The following KLC4 variants were observed in gnomAD, a reference collection of about 807,000 sequenced individuals.
KLC4 encodes the protein kinesin-like protein 8.
A neutral mutation model predicts 77.2 loss-of-function variants in KLC4; 49 were observed. The ratio of observed to expected loss-of-function variants is 0.63; its 90% confidence interval spans 0.50 to 0.80. The LOEUF (loss-of-function observed/expected upper bound fraction) is 0.80, where lower values mean the gene tolerates loss of function less well. Ranked by LOEUF, KLC4 falls within the 30% of genes least tolerant of loss-of-function variation. The probability of loss-of-function intolerance (pLI) is 0.00; values close to 1 mark genes in which losing one functional copy is unlikely to be tolerated. For synonymous variants in KLC4, 274 were observed against 314.5 expected (o/e 0.87, Z 1.36); for missense variants, 669 against 793.5 (o/e 0.84, Z 1.89).
chr6:43,073,351 G>A lies in KLC4; in HGVS notation c.1745+13G>A, dbSNP rs1189533581. On this transcript the variant is annotated intron_variant, in intron 14 of 15. Transcript: ENST00000347162. Reference sequence around the variant, plus strand: ...CTCGGCCCTCCAGGTATACATGGAAGTCAAGATACAGTAAAGTGGCCGGGT... The same window carrying A: ...CTCGGCCCTCCAGGTATACATGGAAATCAAGATACAGTAAAGTGGCCGGGT... 6.3e-7 allele frequency: 1 copy of A among 1,591,324 alleles called. No homozygotes were observed. The highest frequency in any genetic ancestry group is 1.1e-5 in the South Asian group (1 of 90,314).
Position 43,062,991 on chromosome 6 carries a change from G to C in KLC4, c.333G>C (p.Arg111=). The C allele has an allele frequency of 6.2e-7, 1 of 1,614,186 alleles. No homozygotes were observed. The highest frequency in any genetic ancestry group is 8.5e-7 in the Non-Finnish European group (1 of 1,180,032). ...AGAAGCTGCGGGCTCAGGTGCGGCG[G>C]CTATGCCAGGAGAACCAGTGGCTGC... is the stretch of plus-strand genomic sequence containing the variant. The part of the protein sequence containing the change: ...EKQKLRAQVR[R]LCQENQWLRD... The change falls in exon 3 of 16, where the codon CGG becomes CGC. Residue 111 remains arginine, a synonymous_variant. Transcript: ENST00000347162.
intron 4 of KLC4, 99 bp from the exon 5 acceptor site, chr6:43,066,207 G>T (rs1399160012): frequency 7.1e-6 from 7 of 987,030 alleles, no homozygotes; most frequent in Non-Finnish European, 1.1e-5. Flanking sequence ...CCAGGTTGGG[G>T]TGGGCACAAG....
chr6:43,063,448 G>C (rs201857136), intron 3 of KLC4, among the ~76,000 whole-genome samples: 1 of 152,160 alleles, frequency 6.6e-6, no homozygotes, highest in Non-Finnish European at 1.5e-5. Flanking sequence ...GAGGGAGATA[G>C]ATAAGCACCT....
intron 6 of KLC4, 109 bp from the exon 7 acceptor site, chr6:43,070,245 C>G: frequency 1.4e-6 from 1 of 706,326 alleles, no homozygotes; most frequent in East Asian, 2.6e-5. Flanking sequence ...GACTTTGTCT[C>G]TTAGAGTTGT....
In KLC4 at chr6:43,072,923, G is replaced by T; in HGVS notation, c.1588G>T (p.Glu530Ter). 9 of 1,609,934 alleles carry T rather than the reference G, an allele frequency of 5.6e-6. No homozygotes were observed. Among genetic ancestry groups the T allele is most frequent in the Non-Finnish European group, 7.6e-6 (9 of 1,178,572 alleles). Residue 530 changes from glutamate (E) to a stop codon, truncating the protein, a stop_gained, in exon 13 of 16, where the codon GAG becomes TAG. Transcript: ENST00000347162. LOFTEE classifies it high-confidence loss of function. The stretch of plus-strand genomic sequence containing the variant: ...GGGCCCTGGAGACAGTGTGAAATTC[G>T]AGGGAGGTGAAGATGCTTCTGTGGC... ...QEGPGDSVKFEGGEDASVAVE... is the reference protein window; with the variant it reads ...QEGPGDSVKF
At chr6:43,068,679 G>A (rs768480056) in intron 6 of KLC4, among the ~76,000 whole-genome samples, 4 of 151,942 alleles carry the variant, frequency 2.6e-5, no homozygotes, top group Admixed American at 6.6e-5. Context: ...AGGCATGGTG[G>A]CATATGCCTG....
chr6:43,073,688 C>T, intron 14 of KLC4: 2 of 575,706 alleles, frequency 3.5e-6, no homozygotes. Context: ...GTAAAGCAGG[C>T]AAGTAAAGTA....
intron 6 of KLC4, chr6:43,067,439 TA>T: frequency 3.6e-6 from 1 of 279,476 alleles, no homozygotes; most frequent in Non-Finnish European, 6.5e-6. Flanking sequence ...TATAATAAGG[TA>T]AAAATACAAA....
At chr6:43,071,096 A>G (rs1346496605) in intron 8 of KLC4, among the ~76,000 whole-genome samples, 179 bp from the exon 9 acceptor site, 2 of 151,292 alleles carry the variant, frequency 1.3e-5, no homozygotes, top group Non-Finnish European at 2.9e-5. Context: ...GGCTGGGAAT[A>G]CCCTTGACCC....
chr6:43,060,247 C>G, intron 1 of KLC4: 6 of 1,614,130 alleles, frequency 3.7e-6, no homozygotes, highest in East Asian at 2.2e-5. Context: ...AGGTGTTCCT[C>G]CCTCCCCTTT....
At chr6:43,060,819 C>T (rs1321503965) in intron 1 of KLC4, among the ~76,000 whole-genome samples, 1 of 152,170 alleles carries the variant, frequency 6.6e-6, no homozygotes, top group Non-Finnish European at 1.5e-5. Context: ...AAGGAAGGCT[C>T]TTGTTTTCTT....
chr6:43,069,194 G>C (rs1469108359), intron 6 of KLC4, among the ~76,000 whole-genome samples: 1 of 152,168 alleles, frequency 6.6e-6, no homozygotes, highest in East Asian at 1.9e-4. Context: ...GCAAATGATA[G>C]AGTTGTCAAT....
intron 5 of KLC4, 94 bp from the exon 6 acceptor site, chr6:43,066,902 A>G: frequency 6.5e-7 from 1 of 1,533,010 alleles, no homozygotes; most frequent in Non-Finnish European, 8.8e-7. Flanking sequence ...GGAGGTCTCC[A>G]ATCCTTAAAT....
intron 1 of KLC4, chr6:43,060,034 A>C: frequency 1.7e-5 from 24 of 1,412,348 alleles, no homozygotes; most frequent in African/African-American, 2.9e-5. Flanking sequence ...AGCCCGAGGC[A>C]CTCCTCTACT....
At position 43,071,563 on chromosome 6, in the gene KLC4, C is replaced by G. The variant is rs758721846; in HGVS notation, c.1256-4C>G. The G allele has an allele frequency of 6.2e-7, 1 of 1,613,358 alleles. No homozygotes were observed. The highest frequency in any genetic ancestry group is 1.7e-5 in the Admixed American group (1 of 59,982). On this transcript the variant is annotated splice_region_variant and splice_polypyrimidine_tract_variant and intron_variant, in intron 9 of 15. Transcript: ENST00000347162. ...AACCTCCCCACCCCATGTATCACCCCTAGATGACCACAAGCCCATCTGGAT... is the reference window on the plus strand; with the variant it reads ...AACCTCCCCACCCCATGTATCACCCGTAGATGACCACAAGCCCATCTGGAT...
intron 10 of KLC4, 88 bp downstream of exon 10, chr6:43,071,707 C>A: frequency 1.4e-6 from 2 of 1,478,806 alleles, no homozygotes; most frequent in Non-Finnish European, 1.9e-6. Context: ...ACTCTCACTT[C>A]CCATCCCAGC....
At chr6:43,071,750 C>T (rs1292264013) in intron 10 of KLC4, 102 bp from the exon 11 acceptor site, 1 of 1,460,702 alleles carries the variant, frequency 6.8e-7, no homozygotes, top group Admixed American at 1.9e-5. Flanking sequence ...CCTCCCCAGC[C>T]CAGCCTGCAC....
At position 43,072,188 on chromosome 6, in the gene KLC4, A is replaced by G. The variant is rs755137175; in HGVS notation, c.1421A>G (p.Tyr474Cys). 1 of 1,614,064 alleles carries G rather than the reference A, an allele frequency of 6.2e-7. No individual in the cohort carries two copies. The highest frequency in any genetic ancestry group is 1.1e-5 in the South Asian group (1 of 91,078). ...ACTCTGAGAAACCTGGGAGCTCTGT[A>G]TAGGCGCCAGGGAAAGCTGGAGGCT... is the stretch of plus-strand genomic sequence containing the variant. ...NTTLRNLGAL[Y>C]RRQGKLEAAE... is the part of the protein sequence containing the mutation. Residue 474 changes from tyrosine to cysteine, a missense_variant, in exon 12 of 16, where the codon TAT (tyrosine) becomes TGT (cysteine). Coordinates refer to ENST00000347162, the MANE Select transcript of KLC4 (RefSeq NM_201521.3).
At position 43,065,689 on chromosome 6, in the gene KLC4, C is replaced by A; in HGVS notation, c.559C>A (p.Pro187Thr). The A allele has an allele frequency of 6.2e-7, 1 of 1,612,574 alleles. No homozygotes were observed. Among genetic ancestry groups the A allele is most frequent in the Non-Finnish European group, 8.5e-7 (1 of 1,178,858 alleles). The change falls in exon 4 of 16, where the codon CCC becomes ACC. Residue 187 changes from proline to threonine, a missense_variant. Coordinates refer to ENST00000347162, the MANE Select transcript of KLC4 (RefSeq NM_201521.3). ...CTTTCCTAATGAGGAGGAAGAGGACCCCAGCAATGGCTGTGAGTCTGCCTC... is the reference window on the plus strand; with the variant it reads ...CTTTCCTAATGAGGAGGAAGAGGACACCAGCAATGGCTGTGAGTCTGCCTC... ...DLFPNEEEED[P>T]SNGLSRGQGA...
Sources: gnomAD v4.1 joint callset for allele counts (sites outside exome capture counted in the v4.1 genomes callset) on GRCh38, gnomAD v4.1.1 for gene constraint, MANE v1.5 for transcripts, NCBI Gene and HGNC (gene_info 2026-07-23, HGNC 2026-07-21) for gene names.